The following ATP2B2 variants were observed in gnomAD, a reference collection of about 807,000 sequenced individuals.
ATP2B2 encodes the protein plasma membrane calcium-transporting ATPase 2.
Under a neutral mutation model 120.0 loss-of-function variants are expected in ATP2B2, and 15 were observed. That is an observed-to-expected ratio of 0.12 (90% CI 0.08 to 0.19). The LOEUF is 0.19. ATP2B2 is among the 10% of genes least tolerant of loss of function. ATP2B2 has a pLI of 1.00. For missense variants in ATP2B2, 1,045 were observed against 1,719.8 expected, an observed-to-expected ratio of 0.61 and a Z score of 6.94; for synonymous variants, 694 against 700.3, an observed-to-expected ratio of 0.99 and a Z score of 0.14.
intron 10 of ATP2B2, among the ~76,000 whole-genome samples, chr3:10,376,579 C>A (rs1394691914): frequency 6.6e-6 from 1 of 152,216 alleles, no homozygotes; most frequent in Non-Finnish European, 1.5e-5. Flanking sequence ...TGCCCATCCC[C>A]CATCTGCTAC....
chr3:10,461,952 C>A (rs2125238878), intron 1 of ATP2B2, among the ~76,000 whole-genome samples: 1 of 152,190 alleles, frequency 6.6e-6, no homozygotes, highest in South Asian at 2.1e-4. Flanking sequence ...GCTGATGGCA[C>A]CTCCCTTCCT....
intron 14 of ATP2B2, among the ~76,000 whole-genome samples, chr3:10,356,525 A>G (rs964096831): frequency 6.6e-6 from 1 of 152,174 alleles, no homozygotes; most frequent in Non-Finnish European, 1.5e-5. Context: ...CATAAAATAC[A>G]TTTCTTATTG....
intron 2 of ATP2B2, among the ~76,000 whole-genome samples, chr3:10,588,827 T>G (rs1422654238): frequency 6.6e-6 from 1 of 152,050 alleles, no homozygotes; most frequent in Non-Finnish European, 1.5e-5. Flanking sequence ...GACTGGAAAT[T>G]CAAGAAGAAA....
At chr3:10,424,329 C>T (rs1278348007) in intron 2 of ATP2B2, among the ~76,000 whole-genome samples, 1 of 152,238 alleles carries the variant, frequency 6.6e-6, no homozygotes, top group Non-Finnish European at 1.5e-5. Context: ...ACTGTCTTCA[C>T]ACCCTATCAT....
At chr3:10,532,708 C>T (rs1388049465) in intron 3 of ATP2B2, among the ~76,000 whole-genome samples, 1 of 152,190 alleles carries the variant, frequency 6.6e-6, no homozygotes, top group Non-Finnish European at 1.5e-5. Flanking sequence ...AGTGCTTGGG[C>T]AAGAAACCAA....
intron 3 of ATP2B2, among the ~76,000 whole-genome samples, chr3:10,528,390 A>AG (rs1007944631): frequency 2.0e-5 from 3 of 152,192 alleles, no homozygotes; most frequent in Non-Finnish European, 4.4e-5. Context: ...AGGGGAAAAA[A>AG]GGGTAACAGA....
Position 10,412,078 on chromosome 3 carries a change from T to A in ATP2B2, c.200-1263A>T, listed in dbSNP as rs3821772. ...GACCCGCAACCTGTGTCTGCAGCCT[T>A]GGCTTTTGCCATGTGGCTTCCACCC... is the stretch of plus-strand genomic sequence containing the variant. On this transcript the variant is annotated intron_variant, in intron 2 of 22. Coordinates refer to ENST00000360273, the MANE Select transcript of ATP2B2 (RefSeq NM_001001331.4). Among the ~76,000 whole-genome samples, 164 of 152,366 alleles carry A rather than the reference T, an allele frequency of 1.1e-3. No homozygotes were observed. The East Asian group carries it at 0.028, about 26-fold the overall frequency.
chr3:10,575,181 C>T (rs1470335839), intron 2 of ATP2B2, among the ~76,000 whole-genome samples: 2 of 152,124 alleles, frequency 1.3e-5, no homozygotes, highest in African/African-American at 2.4e-5. Flanking sequence ...CCCCTCCTCC[C>T]ACCACTTAGG....
chr3:10,347,410 T>C lies in ATP2B2; in HGVS notation c.2405-1273A>G, dbSNP rs1236304275. 1.3e-5 allele frequency among the ~76,000 whole-genome samples: 2 copies of C among 152,216 alleles called. No individual in the cohort carries two copies. Among genetic ancestry groups the C allele is most frequent in the African/African-American group, 4.8e-5 (2 of 41,442 alleles). On this transcript the variant is annotated intron_variant, in intron 16 of 22. Coordinates refer to ENST00000360273, the MANE Select transcript of ATP2B2 (RefSeq NM_001001331.4). This position sits in a 1 kb window ranked among gnomAD's most constrained non-coding sequence, Gnocchi z 5.2. ...GTAACTCTATGTGCTGCTCCATCCT[T>C]GCGCATCTCTCTGCTCTGTGCCTAG...
At chr3:10,588,819 C>A (rs1399046450) in intron 2 of ATP2B2, among the ~76,000 whole-genome samples, 1 of 152,066 alleles carries the variant, frequency 6.6e-6, no homozygotes, top group African/African-American at 2.4e-5. Flanking sequence ...GGTTAAGTGA[C>A]TGGAAATTCA....
At chr3:10,396,732 G>A (rs905384959) in intron 5 of ATP2B2, among the ~76,000 whole-genome samples, 1 of 152,366 alleles carries the variant, frequency 6.6e-6, no homozygotes, top group African/African-American at 2.4e-5. Flanking sequence ...AGAGGAAGGG[G>A]GTAGCCCAGA....
chr3:10,449,301 G>T, intron 2 of ATP2B2, 44 bp downstream of exon 2: 1 of 1,605,834 alleles, frequency 6.2e-7, no homozygotes, highest in African/African-American at 1.3e-5. Context: ...TTCAGATGGT[G>T]GCCACCTAGG....
rs1170795577 is a variant in ATP2B2, at chr3:10,386,364, C to G, written c.940+116G>C. On this transcript the variant is annotated intron_variant, in intron 7 of 22. Transcript: ENST00000360273. ...AAGGAGGGTCTGGGGGGTGGAGCCA[C>G]CCACAGGCATGTGGCCTCCTCCAGC... The G allele has an allele frequency of 3.3e-6, 4 of 1,218,756 alleles. No homozygotes were observed. The African/African-American group carries it at 6.0e-5, about 18-fold the overall frequency. The allele number at this position is 1,218,756 out of a possible 1,614,324, so 75.5% of individuals were successfully genotyped here. A position where few individuals can be genotyped will look rare whatever the true frequency, so the allele number is the denominator to read the frequency against.
In ATP2B2 at chr3:10,345,495, T is replaced by C. The variant is rs143158309; in HGVS notation, c.2592A>G (p.Ala864=). Residue 864 remains alanine, a synonymous_variant, in exon 18 of 23, where the codon GCA becomes GCG. Transcript: ENST00000360273. ...TDDNFSSIVK[A]VMWGRNVYDS... is the part of the protein sequence containing the mutation. Reference sequence around the variant, plus strand: ...CATAGACGTTGCGGCCCCACATCACTGCCTTGACGATGCTGCTGAAATTGT... The same window carrying C: ...CATAGACGTTGCGGCCCCACATCACCGCCTTGACGATGCTGCTGAAATTGT... 2 of 1,614,098 alleles carry C rather than the reference T, an allele frequency of 1.2e-6. No homozygotes were observed. Among genetic ancestry groups the C allele is most frequent in the African/African-American group, 1.3e-5 (1 of 74,938 alleles).
chr3:10,421,129 T>C (rs1448577109), intron 2 of ATP2B2, among the ~76,000 whole-genome samples: 2 of 152,114 alleles, frequency 1.3e-5, no homozygotes, highest in African/African-American at 4.8e-5. Context: ...GGATACAGGC[T>C]CAGGTTGAAG....
At chr3:10,338,010 C>G (rs1477390602) in intron 22 of ATP2B2, among the ~76,000 whole-genome samples, 166 bp downstream of exon 22, 1 of 152,172 alleles carries the variant, frequency 6.6e-6, no homozygotes, top group African/African-American at 2.4e-5. Flanking sequence ...TTAGCAGCCA[C>G]AGGAGTGGGT....
chr3:10,450,795 G>A (rs112357244), intron 1 of ATP2B2, among the ~76,000 whole-genome samples: 4 of 152,182 alleles, frequency 2.6e-5, no homozygotes, highest in African/African-American at 4.8e-5. Context: ...ACAGGAGTGC[G>A]GCATCTGTGG....
In ATP2B2 at chr3:10,350,259, G is replaced by C. The variant is rs894325893; in HGVS notation, c.2317-60C>G. On this transcript the variant is annotated intron_variant, in intron 15 of 22. Coordinates refer to ENST00000360273, the MANE Select transcript of ATP2B2 (RefSeq NM_001001331.4). ...GGTCGGGGAGAGAAACTGAGGCCTGGAGAAGGGAGGGGACATGCCCAGAGT... is the reference window on the plus strand; with the variant it reads ...GGTCGGGGAGAGAAACTGAGGCCTGCAGAAGGGAGGGGACATGCCCAGAGT... 10 of 1,579,422 alleles carry C rather than the reference G, an allele frequency of 6.3e-6. No homozygotes were observed. The African/African-American group carries it at 1.2e-4, about 19-fold the overall frequency.
intron 2 of ATP2B2, among the ~76,000 whole-genome samples, chr3:10,553,735 C>T (rs1350292111): frequency 6.6e-6 from 1 of 152,108 alleles, no homozygotes; most frequent in Non-Finnish European, 1.5e-5. Context: ...GCTTTTAGTG[C>T]CTGCAGCTCT....
Sources: allele counts gnomAD v4.1 joint callset (sites outside exome capture counted in the v4.1 genomes callset), GRCh38; gene constraint gnomAD v4.1.1; non-coding constraint Gnocchi (gnomAD v3.1); transcripts MANE v1.5; gene names NCBI Gene and HGNC (gene_info 2026-07-23, HGNC 2026-07-21).